The following RASGRF2 variants were observed in gnomAD, a reference collection of about 807,000 sequenced individuals.
RASGRF2 encodes the protein ras-specific guanine nucleotide-releasing factor 2.
A neutral mutation model predicts 151.0 loss-of-function variants in RASGRF2; 76 were observed. The observed-to-expected ratio is 0.50, with a 90% CI of 0.42 to 0.61. The LOEUF (loss-of-function observed/expected upper bound fraction) is 0.61. Ranked by LOEUF, RASGRF2 falls within the 20% of genes least tolerant of loss-of-function variation. The pLI is 0.00. For missense variants in RASGRF2, 1,148 were observed against 1,564.6 expected, an observed-to-expected ratio of 0.73 and a Z score of 4.49; for synonymous variants, 504 against 566.5, an observed-to-expected ratio of 0.89 and a Z score of 1.57.
At chr5:81,050,644 A>G (rs1410062594) in intron 2 of RASGRF2, among the ~76,000 whole-genome samples, 1 of 152,170 alleles carries the variant, frequency 6.6e-6, no homozygotes, top group African/African-American at 2.4e-5. Context: ...GACTTACACC[A>G]ACACATCTTT....
Position 81,130,080 on chromosome 5 carries a change from C to T in RASGRF2, c.2686+2917C>T, listed in dbSNP as rs561106113. Among the ~76,000 whole-genome samples, 3 of 152,314 alleles carry T rather than the reference C, an allele frequency of 2.0e-5. No homozygotes were observed. In the East Asian group the frequency reaches 5.8e-4, roughly 29 times the overall value. On this transcript the variant is annotated intron_variant, in intron 17 of 26. Transcript: ENST00000265080. ...CCCTTTTTGAAAGCCTGCTGCTTTT[C>T]TGTTGCCTTTTTTCCTACTTCTCCC...
At chr5:81,213,203 T>A (rs1755662496) in intron 23 of RASGRF2, among the ~76,000 whole-genome samples, 1 of 152,148 alleles carries the variant, frequency 6.6e-6, no homozygotes, top group Admixed American at 6.5e-5. Context: ...TGGCCTCCTG[T>A]GGTCATTCTT....
chr5:80,984,975 G>A (rs1254315976), intron 1 of RASGRF2, among the ~76,000 whole-genome samples: 7 of 152,270 alleles, frequency 4.6e-5, no homozygotes, highest in South Asian at 4.1e-4. Flanking sequence ...TTTGGGAGGC[G>A]AAGGCGAGTG....
intron 1 of RASGRF2, among the ~76,000 whole-genome samples, chr5:80,974,079 A>G (rs1230793795): frequency 1.3e-5 from 2 of 152,192 alleles, no homozygotes; most frequent in East Asian, 3.9e-4. Context: ...CAGGAGTCAC[A>G]AGTCTGTCAT....
At chr5:80,986,769 A>G (rs1200339280) in intron 1 of RASGRF2, among the ~76,000 whole-genome samples, 3 of 152,222 alleles carry the variant, frequency 2.0e-5, no homozygotes, top group African/African-American at 7.2e-5. Context: ...TTGAACCGCT[A>G]GGTGACCTCC....
intron 17 of RASGRF2, among the ~76,000 whole-genome samples, chr5:81,143,533 T>G (rs910346424): frequency 6.6e-6 from 1 of 152,040 alleles, no homozygotes; most frequent in Non-Finnish European, 1.5e-5. Flanking sequence ...CTCTGATGAG[T>G]CAGAAAGACT....
Position 81,112,875 on chromosome 5 carries a change from A to G in RASGRF2, c.2087+17A>G. On this transcript the variant is annotated intron_variant, in intron 14 of 26. Coordinates refer to ENST00000265080, the MANE Select transcript of RASGRF2 (RefSeq NM_006909.3). ...CCCTGTCAGGTACACCTATTGCTAG[A>G]GGTTAGCCTGTCATTCGCATATGGC... The G allele has an allele frequency of 6.2e-7, 1 of 1,613,892 alleles. No homozygotes were observed. Among genetic ancestry groups the G allele is most frequent in the Non-Finnish European group, 8.5e-7 (1 of 1,179,908 alleles).
rs1177818792 is a variant in RASGRF2 at position 81,129,358 on chromosome 5, T to C, written c.2686+2195T>C. On this transcript the variant is annotated intron_variant, in intron 17 of 26. Transcript: ENST00000265080. The stretch of plus-strand genomic sequence containing the variant: ...AATAGTAACTAGTAGGTATTATCTG[T>C]GTGATTTTTTTTTTCCAAATTGAGG... Among the ~76,000 whole-genome samples, 3 of 152,094 alleles carry C rather than the reference T, an allele frequency of 2.0e-5. No homozygotes were observed. In the East Asian group the frequency reaches 5.8e-4, roughly 29 times the overall value.
intron 18 of RASGRF2, among the ~76,000 whole-genome samples, chr5:81,188,817 C>T (rs1017166007): frequency 2.6e-5 from 4 of 152,152 alleles, no homozygotes; most frequent in Non-Finnish European, 2.9e-5. Context: ...GGTTTCAGTC[C>T]CCGCCGTCTG....
intron 2 of RASGRF2, among the ~76,000 whole-genome samples, chr5:81,052,670 GGA>G (rs1561579058): frequency 6.6e-6 from 1 of 152,190 alleles, no homozygotes; most frequent in Non-Finnish European, 1.5e-5. Flanking sequence ...GATACTGACA[GGA>G]GAGAACTTGA....
chr5:81,010,903 A>G (rs1749438008), intron 1 of RASGRF2, among the ~76,000 whole-genome samples: 1 of 152,116 alleles, frequency 6.6e-6, no homozygotes, highest in African/African-American at 2.4e-5. Context: ...ATATTTTTCT[A>G]CTTCTAAATA....
chr5:81,099,362 C>CT (rs1752633221), intron 12 of RASGRF2, among the ~76,000 whole-genome samples: 1 of 152,128 alleles, frequency 6.6e-6, no homozygotes, highest in Non-Finnish European at 1.5e-5. Flanking sequence ...GCTTTTATAG[C>CT]TTTTTCTGAA....
chr5:81,217,454 A>G lies in RASGRF2; in HGVS notation c.3533A>G (p.Asn1178Ser), dbSNP rs1755762173. The change falls in exon 25 of 27, where the codon AAT becomes AGT. Residue 1178 changes from asparagine (N) to serine (S), a missense_variant. By Grantham distance (46) the Asn-to-Ser change is conservative (BLOSUM62 1). This residue lies in a region of RASGRF2 where 100 missense variants were observed against 148.2 expected (regional missense o/e 0.67). Transcript: ENST00000265080. ...AACTTTACTGAGGAAGGCCTTGTCA[A>G]TTTCTCCAAAATGAGAATGGTAGGT... ...TPNFTEEGLV[N>S]FSKMRMISHI... The G allele has an allele frequency of 6.2e-7, 1 of 1,612,406 alleles. No homozygotes were observed. Among genetic ancestry groups the G allele is most frequent in the Non-Finnish European group, 8.5e-7 (1 of 1,179,460 alleles).
chr5:81,018,917 C>T (rs1749731866), intron 1 of RASGRF2, among the ~76,000 whole-genome samples: 2 of 150,928 alleles, frequency 1.3e-5, no homozygotes, highest in African/African-American at 4.9e-5. Context: ...ATTCTCATGC[C>T]TCAGCCTCCT....
intron 17 of RASGRF2, among the ~76,000 whole-genome samples, chr5:81,127,412 A>G (rs1287897786): frequency 3.9e-5 from 6 of 152,052 alleles, no homozygotes; most frequent in Non-Finnish European, 1.5e-5. Context: ...AGTCCCAGTT[A>G]CTCAAGACGC....
chr5:81,163,417 A>G (rs954733114), intron 17 of RASGRF2, among the ~76,000 whole-genome samples: 1 of 152,074 alleles, frequency 6.6e-6, no homozygotes, highest in Non-Finnish European at 1.5e-5. Context: ...AACCATCTTA[A>G]TTCAAATATA....
intron 1 of RASGRF2, among the ~76,000 whole-genome samples, chr5:81,032,097 C>T (rs188186349): frequency 1.3e-5 from 2 of 152,016 alleles, no homozygotes; most frequent in South Asian, 2.1e-4. Flanking sequence ...AAGATTAAAC[C>T]AGGAGAAGTG....
intron 1 of RASGRF2, among the ~76,000 whole-genome samples, chr5:81,029,809 G>A (rs1750173289): frequency 6.6e-6 from 1 of 152,230 alleles, no homozygotes; most frequent in African/African-American, 2.4e-5. Flanking sequence ...ACTTTGATGA[G>A]TTGAGAGAAG....
At chr5:81,109,559 G>A (rs1218108538) in intron 13 of RASGRF2, among the ~76,000 whole-genome samples, 5 of 152,120 alleles carry the variant, frequency 3.3e-5, no homozygotes, top group Non-Finnish European at 5.9e-5. Flanking sequence ...CCAGCTACTC[G>A]GGAGGCTGAG....
Sources: allele counts gnomAD v4.1 joint callset (sites outside exome capture counted in the v4.1 genomes callset), GRCh38; gene constraint gnomAD v4.1.1; regional missense constraint gnomAD v4.1.1; transcripts MANE v1.5; gene names NCBI Gene and HGNC (gene_info 2026-07-23, HGNC 2026-07-21).